ESRRG: variants seen among roughly 807,000 people sequenced by gnomAD.
The protein encoded by ESRRG is estrogen-related receptor gamma.
In ESRRG, 13 loss-of-function variants were observed where a neutral mutation model predicts 44.0. That is an observed-to-expected ratio of 0.30 (90% CI 0.19 to 0.47). The LOEUF (loss-of-function observed/expected upper bound fraction) is 0.47. Ranked by LOEUF, ESRRG falls within the 20% of genes least tolerant of loss-of-function variation. ESRRG has a pLI of 1.00. For synonymous variants in ESRRG, 215 were observed against 214.6 expected (o/e 1.00, Z -0.02); for missense variants, 395 against 580.6 (o/e 0.68, Z 3.29).
At chr1:216,778,925 A>T (rs2093714968) in intron 2 of ESRRG, among the ~76,000 whole-genome samples, 1 of 150,744 alleles carries the variant, frequency 6.6e-6, no homozygotes, top group Non-Finnish European at 1.5e-5. Flanking sequence ...TTCTCAGGGG[A>T]ACACAGTGAA....
At position 216,964,105 on chromosome 1, in the gene ESRRG, G is replaced by A. The variant is rs547390998; in HGVS notation, c.-105-24432C>T. ...TCTGAAAGAAGGCAGGAAGACAGGT[G>A]CACAGAATAGAGGATATGGAGTGAG... On this transcript the variant is annotated intron_variant, in intron 1 of 7. Coordinates refer to the ESRRG transcript ENST00000359162. Among the ~76,000 whole-genome samples, 32 of 152,280 alleles carry A rather than the reference G, an allele frequency of 2.1e-4. No homozygotes were observed. The South Asian group carries it at 6.2e-3, about 30-fold the overall frequency.
chr1:216,691,921 G>A (rs1018217278), intron 1 of ESRRG, among the ~76,000 whole-genome samples: 1 of 152,128 alleles, frequency 6.6e-6, no homozygotes, highest in African/African-American at 2.4e-5. Flanking sequence ...ACAGTGAAAT[G>A]TATTACTCAC....
rs2068802388 is a variant in ESRRG at position 216,650,986 on chromosome 1, G to A, written c.576C>T (p.Gly192=). The change falls in exon 3 of 7, where the codon GGC becomes GGT. Residue 192 remains glycine (G), a synonymous_variant. Transcript: ENST00000408911. ...ACRFMKCLKV[G]MLKEGVRLDR... ...AAAGAGCCTTACCTTCTTTCAGCAT[G>A]CCCACTTTTAAACACTTCATGAAGC... 1 of 1,606,194 alleles carries A rather than the reference G, an allele frequency of 6.2e-7. No individual in the cohort carries two copies. Among genetic ancestry groups the A allele is most frequent in the Non-Finnish European group, 8.5e-7 (1 of 1,172,984 alleles).
rs115857246 is a variant in ESRRG, at chr1:216,539,455, C to G, written c.863-20034G>C. ...CCAGGACAGTCAGTTCCCCTTCCCC[C>G]CTACCTTGTTTTCAGCCACCCTCCC... On this transcript the variant is annotated intron_variant, in intron 5 of 6. Transcript: ENST00000408911. Among the ~76,000 whole-genome samples, 505 of 152,080 alleles carry G rather than the reference C, an allele frequency of 3.3e-3. 3 individuals are homozygous for G. The highest frequency in any genetic ancestry group is 0.015 in the South Asian group (70 of 4,824).
intron 2 of ESRRG, among the ~76,000 whole-genome samples, chr1:216,731,619 A>C (rs1397949925): frequency 2.0e-5 from 3 of 152,242 alleles, no homozygotes; most frequent in African/African-American, 7.2e-5. Flanking sequence ...ATATGTATGT[A>C]TCAAAACTCA....
At chr1:216,994,754 T>C (rs1490915462) in intron 1 of ESRRG, among the ~76,000 whole-genome samples, 3 of 142,536 alleles carry the variant, frequency 2.1e-5, no homozygotes, top group African/African-American at 7.8e-5. Flanking sequence ...GCTAATTTTT[T>C]GTATTTTTTT....
At chr1:216,956,986 G>T (rs548887447) in intron 1 of ESRRG, among the ~76,000 whole-genome samples, 1 of 152,212 alleles carries the variant, frequency 6.6e-6, no homozygotes, top group Non-Finnish European at 1.5e-5. Context: ...GTTATTAAAG[G>T]CAGGTTATGA....
At chr1:217,132,231 G>A (rs1317836856) in intron 1 of ESRRG, among the ~76,000 whole-genome samples, 1 of 152,188 alleles carries the variant, frequency 6.6e-6, no homozygotes, top group Non-Finnish European at 1.5e-5. Context: ...CCAGAGTCCA[G>A]TGATCCTCCT....
Position 216,504,236 on chromosome 1 carries a change from G to A in ESRRG, c.*2703C>T, listed in dbSNP as rs547487012. The A allele has an allele frequency of 3.9e-5, 6 of 152,114 alleles. No individual in the cohort carries two copies. In the Middle Eastern group the frequency reaches 0.01, roughly 259 times the overall value. 9.4% of individuals were successfully genotyped at this position (152,114 alleles called of 1,614,324 possible). On this transcript the variant is annotated 3_prime_UTR_variant, in exon 7 of 7. Transcript: ENST00000408911. ...TTATATATAGTGTAGTTGAATAGTAGCAACTTAAACCCTGCACAAACTTTC... is the reference window on the plus strand; with the variant it reads ...TTATATATAGTGTAGTTGAATAGTAACAACTTAAACCCTGCACAAACTTTC...
chr1:216,989,914 T>C (rs2075421774), intron 1 of ESRRG, among the ~76,000 whole-genome samples: 1 of 152,222 alleles, frequency 6.6e-6, no homozygotes, highest in Non-Finnish European at 1.5e-5. Context: ...GGCTTGGCTT[T>C]AGTCTAAATG....
At chr1:216,538,897 C>T (rs1274830960) in intron 5 of ESRRG, among the ~76,000 whole-genome samples, 1 of 151,986 alleles carries the variant, frequency 6.6e-6, no homozygotes, top group African/African-American at 2.4e-5. Context: ...GCAGAATATT[C>T]ATCGAACAGG....
chr1:217,105,552 T>C (rs1204434351), intron 1 of ESRRG, among the ~76,000 whole-genome samples: 3 of 152,180 alleles, frequency 2.0e-5, no homozygotes, highest in Admixed American at 6.5e-5. Flanking sequence ...GGGTCCTCTC[T>C]AAAGTCTTCC....
At chr1:216,561,879 C>T (rs929388019) in intron 5 of ESRRG, among the ~76,000 whole-genome samples, 1 of 152,130 alleles carries the variant, frequency 6.6e-6, no homozygotes, top group Non-Finnish European at 1.5e-5. Flanking sequence ...ACGTCAGTCC[C>T]CACCAATTCT....
chr1:217,093,181 T>G (rs2092374078), upstream of ESRRG, among the ~76,000 whole-genome samples: 1 of 152,212 alleles, frequency 6.6e-6, no homozygotes, highest in African/African-American at 2.4e-5. Flanking sequence ...TGATCTCATC[T>G]TGGAGCTGCT....
rs114749151 is a variant in ESRRG, at chr1:217,114,279, A to G, written c.-230+23388T>C. Among the ~76,000 whole-genome samples, 498 of 151,962 alleles carry G rather than the reference A, an allele frequency of 3.3e-3. 5 individuals carry two copies. Among genetic ancestry groups the G allele is most frequent in the African/African-American group, 0.011 (474 of 41,466 alleles). On this transcript the variant is annotated intron_variant, in intron 1 of 8. Transcript: ENST00000366940. ...GGAAGCCTCATGCACTTTCTGAGTT[A>G]TGTTATCCCCTCACACCTGTGGTCT...
rs189125356 is a variant in ESRRG, at chr1:216,589,363, T to C, written c.590-21265A>G. Among the ~76,000 whole-genome samples, 195 of 152,250 alleles carry C rather than the reference T, an allele frequency of 1.3e-3. 1 individual carries two copies. The highest frequency in any genetic ancestry group is 2.6e-3 in the Admixed American group (40 of 15,294). On this transcript the variant is annotated intron_variant, in intron 3 of 6. Coordinates refer to ENST00000408911, the MANE Select transcript of ESRRG (RefSeq NM_001438.4). ...AATTTCTTAAAACATTATGAGAATA[T>C]TTTTGTGTTTATTACTTTTTTAGCT...
intron 5 of ESRRG, among the ~76,000 whole-genome samples, chr1:216,525,362 C>T (rs1026535918): frequency 6.6e-6 from 1 of 152,152 alleles, no homozygotes; most frequent in African/African-American, 2.4e-5. Context: ...TTACCTAGTA[C>T]TTCTGAATGA....
intron 2 of ESRRG, among the ~76,000 whole-genome samples, chr1:216,912,256 GA>G (rs1437885661): frequency 5.0e-5 from 3 of 59,550 alleles, no homozygotes; most frequent in Non-Finnish European, 7.9e-5. Context: ...GAGAGGAGAG[GA>G]GAGGAGAGGG....
intron 1 of ESRRG, among the ~76,000 whole-genome samples, chr1:216,705,235 T>C (rs900625143): frequency 2.6e-5 from 4 of 152,136 alleles, no homozygotes; most frequent in African/African-American, 9.7e-5. Context: ...TATTAATATA[T>C]ATGCAAAATC....
Sources: allele counts gnomAD v4.1 joint callset (sites outside exome capture counted in the v4.1 genomes callset), GRCh38; gene constraint gnomAD v4.1.1; transcripts MANE v1.5; gene names NCBI Gene and HGNC (gene_info 2026-07-23, HGNC 2026-07-21).